CLCN3: variants seen among roughly 807,000 people sequenced by gnomAD.
CLCN3 encodes H(+)/Cl(-) exchange transporter 3.
Under a neutral mutation model 83.4 loss-of-function variants are expected in CLCN3, and 16 were observed. The observed-to-expected ratio is 0.19, with a 90% confidence interval of 0.13 to 0.29. The LOEUF is 0.29. Ranked by LOEUF, CLCN3 falls within the 10% of genes least tolerant of loss-of-function variation. The pLI, the probability that CLCN3 is intolerant of heterozygous loss-of-function variation, is 1.00. For missense variants in CLCN3, 544 were observed against 1,006.0 expected (o/e 0.54, Z 6.21); for synonymous variants, 322 against 346.2 (o/e 0.93, Z 0.78).
At chr4:169,657,117 C>T (rs1730910383) in intron 2 of CLCN3, among the ~76,000 whole-genome samples, 1 of 152,040 alleles carries the variant, frequency 6.6e-6, no homozygotes, top group African/African-American at 2.4e-5. Flanking sequence ...TAATCTGAAA[C>T]ATTGTGTCAT....
chr4:169,641,946 A>G (rs1011982014), intron 2 of CLCN3, among the ~76,000 whole-genome samples: 21 of 152,352 alleles, frequency 1.4e-4, no homozygotes, highest in African/African-American at 5.1e-4. Context: ...AAAGGATATA[A>G]AGCAACTTAA....
At chr4:169,624,780 T>A (rs556722873) in intron 1 of CLCN3, among the ~76,000 whole-genome samples, 1 of 152,298 alleles carries the variant, frequency 6.6e-6, no homozygotes, top group South Asian at 2.1e-4. Context: ...ATGTTGAAAT[T>A]CCTTTTCACA....
chr4:169,706,097 C>T (rs921446910), intron 10 of CLCN3, among the ~76,000 whole-genome samples: 5 of 152,086 alleles, frequency 3.3e-5, no homozygotes, highest in African/African-American at 9.7e-5. Flanking sequence ...GCAGTGTGAA[C>T]GCAGCTCACT....
chr4:169,636,919 CT>C (rs1380273645), intron 2 of CLCN3, among the ~76,000 whole-genome samples: 11 of 146,276 alleles, frequency 7.5e-5, no homozygotes, highest in Non-Finnish European at 1.1e-4. Flanking sequence ...ACTTCCATTT[CT>C]TTTTTTTTTG....
chr4:169,651,261 C>T (rs938775759), intron 2 of CLCN3, among the ~76,000 whole-genome samples: 6 of 152,018 alleles, frequency 3.9e-5, no homozygotes, highest in Non-Finnish European at 8.8e-5. Flanking sequence ...TATCATGATG[C>T]GACAAATTAA....
chr4:169,690,338 GTT>G (rs1732318222), intron 5 of CLCN3, among the ~76,000 whole-genome samples, 190 bp from the exon 6 acceptor site: 1 of 151,856 alleles, frequency 6.6e-6, no homozygotes, highest in Middle Eastern at 3.4e-3. Context: ...TAGCAACGGG[GTT>G]TCACCACATT....
chr4:169,625,045 C>T (rs952725916), intron 1 of CLCN3, among the ~76,000 whole-genome samples: 2 of 152,146 alleles, frequency 1.3e-5, no homozygotes, highest in Admixed American at 6.5e-5. Flanking sequence ...CCCACTTCGG[C>T]CTCCCAAAGT....
At chr4:169,627,681 ATATT>A (rs1316865857) in intron 1 of CLCN3, among the ~76,000 whole-genome samples, 1 of 152,080 alleles carries the variant, frequency 6.6e-6, no homozygotes, top group Non-Finnish European at 1.5e-5. Flanking sequence ...TTTGGGGCAA[ATATT>A]TATTTAGTTT....
chr4:169,649,836 C>A (rs928819654), intron 2 of CLCN3, among the ~76,000 whole-genome samples: 19 of 152,318 alleles, frequency 1.2e-4, no homozygotes, highest in Non-Finnish European at 1.9e-4. Flanking sequence ...ATAATCCCAG[C>A]ACTTTGGGAG....
chr4:169,704,976 A>T lies in CLCN3; in HGVS notation c.1750+792A>T, dbSNP rs531426308. Among the ~76,000 whole-genome samples the T allele has an allele frequency of 7.9e-5, 12 of 152,364 alleles. 1 individual carries two copies. Among genetic ancestry groups the T allele is most frequent in the African/African-American group, 2.6e-4 (11 of 41,586 alleles). On this transcript the variant is annotated intron_variant, in intron 10 of 12. Transcript: ENST00000513761. Reference sequence around the variant, plus strand: ...TCCACTTTCTTTTTAGCATTGTGCTAGATACAGTGCATAATACAAAAAGAA... The same window carrying T: ...TCCACTTTCTTTTTAGCATTGTGCTTGATACAGTGCATAATACAAAAAGAA...
chr4:169,659,810 A>G (rs937269431), intron 2 of CLCN3, among the ~76,000 whole-genome samples: 1 of 152,062 alleles, frequency 6.6e-6, no homozygotes, highest in African/African-American at 2.4e-5. Context: ...GACTCACATG[A>G]CATTACTGTA....
At chr4:169,679,495 C>G (rs1468131934) in intron 2 of CLCN3, among the ~76,000 whole-genome samples, 4 of 151,998 alleles carry the variant, frequency 2.6e-5, no homozygotes, top group African/African-American at 7.2e-5. Context: ...GGGTGGCGGC[C>G]GGGCAGAGGC....
chr4:169,643,887 A>G (rs1442765903), intron 2 of CLCN3, among the ~76,000 whole-genome samples: 1 of 152,194 alleles, frequency 6.6e-6, no homozygotes, highest in African/African-American at 2.4e-5. Flanking sequence ...TTTTATTGGC[A>G]ACAATATACT....
chr4:169,635,105 T>C (rs898475333), intron 1 of CLCN3, among the ~76,000 whole-genome samples: 2 of 152,174 alleles, frequency 1.3e-5, no homozygotes, highest in Admixed American at 6.5e-5. Flanking sequence ...TTAGTCTTCA[T>C]CTGTCATTTT....
At chr4:169,652,931 T>C (rs1291010460) in intron 2 of CLCN3, among the ~76,000 whole-genome samples, 1 of 152,238 alleles carries the variant, frequency 6.6e-6, no homozygotes, top group African/African-American at 2.4e-5. Context: ...CATTTTTCTA[T>C]TGGAGTGTCT....
intron 2 of CLCN3, among the ~76,000 whole-genome samples, chr4:169,667,062 G>A (rs1731269919): frequency 6.6e-6 from 1 of 151,884 alleles, no homozygotes; most frequent in Non-Finnish European, 1.5e-5. Context: ...CTTTTGCATT[G>A]ATGTCATATC....
intron 12 of CLCN3, among the ~76,000 whole-genome samples, chr4:169,719,327 C>T (rs1045376307): frequency 6.6e-6 from 1 of 152,126 alleles, no homozygotes; most frequent in Non-Finnish European, 1.5e-5. Context: ...CATGGTGGCA[C>T]ATGCCTGTAA....
chr4:169,649,540 A>T (rs1424810521), intron 2 of CLCN3, among the ~76,000 whole-genome samples: 1 of 152,200 alleles, frequency 6.6e-6, no homozygotes, highest in Non-Finnish European at 1.5e-5. Flanking sequence ...TTAGGAGTAA[A>T]ATCAGCCAGA....
At chr4:169,698,419 C>T (rs78905394) in intron 9 of CLCN3, among the ~76,000 whole-genome samples, 3,467 of 152,210 alleles carry the variant, frequency 0.023, 57 homozygotes, top group Non-Finnish European at 0.034. Flanking sequence ...CTCTTTCTCT[C>T]GCTTCCTTTT....
Sources: gnomAD v4.1 joint callset for allele counts (sites outside exome capture counted in the v4.1 genomes callset) on GRCh38, gnomAD v4.1.1 for gene constraint, MANE v1.5 for transcripts, NCBI Gene and HGNC (gene_info 2026-07-23, HGNC 2026-07-21) for gene names.